DEAF1: variants seen among roughly 807,000 people sequenced by gnomAD.
The protein encoded by DEAF1 is deformed epidermal autoregulatory factor 1 homolog.
A neutral mutation model predicts 58.9 loss-of-function variants in DEAF1; 53 were observed. The ratio of observed to expected loss-of-function variants is 0.90; its 90% confidence interval spans 0.72 to 1.13. The LOEUF (loss-of-function observed/expected upper bound fraction) is 1.13. Among genes scored for constraint, DEAF1 ranks in the 50% most tolerant of loss-of-function variants. The pLI, the probability that DEAF1 is intolerant of heterozygous loss-of-function variation, is 0.00. For synonymous variants in DEAF1, 385 were observed against 340.4 expected, an observed-to-expected ratio of 1.13 and a Z score of -1.44; for missense variants, 685 against 791.4, an observed-to-expected ratio of 0.87 and a Z score of 1.61.
upstream of DEAF1, chr11:698,969 C>T: frequency 2.6e-6 from 4 of 1,556,826 alleles, no homozygotes; most frequent in Middle Eastern, 1.7e-4. Context: ...CCTCACCCCA[C>T]GTTTTCCCTA....
At chr11:683,990 A>G (rs1283304930) in intron 6 of DEAF1, among the ~76,000 whole-genome samples, 9 of 152,186 alleles carry the variant, frequency 5.9e-5, no homozygotes, top group African/African-American at 2.2e-4. Flanking sequence ...GGCTTTTCCC[A>G]ATCAACTTCA....
chr11:662,115 G>T (rs777446131), intron 10 of DEAF1, among the ~76,000 whole-genome samples: 1 of 152,124 alleles, frequency 6.6e-6, no homozygotes, highest in African/African-American at 2.4e-5. Context: ...TGGCCAACAT[G>T]GCAAAATACA....
rs1190290290 is a variant in DEAF1, at chr11:678,766, G to C, written c.1183C>G (p.Pro395Ala). 1 of 1,614,198 alleles carries C rather than the reference G, an allele frequency of 6.2e-7. No individual in the cohort carries two copies. The highest frequency in any genetic ancestry group is 1.7e-5 in the Admixed American group (1 of 60,022). The change falls in exon 9 of 12, where the codon CCC (proline) becomes GCC (alanine). Residue 395 changes from proline to alanine, a missense_variant. Transcript: ENST00000382409. ...CRASHPEPHYPGYQDSCQIAP... is the reference protein window; with the variant it reads ...CRASHPEPHYAGYQDSCQIAP... The stretch of plus-strand genomic sequence containing the variant: ...ATCTGGCAGCTGTCCTGATAGCCGG[G>C]GTAGTGAGGCTCAGGGTGGCTGGCC...
Position 687,982 on chromosome 11 carries a change from A to G in DEAF1, c.593T>C (p.Val198Ala). Residue 198 changes from valine (V) to alanine (A), a missense_variant, in exon 4 of 12, where the codon GTG becomes GCG. Transcript: ENST00000382409. ...CCGTACGGGCAGCTCACTGTCGTAC[A>G]CAGAAGGGTCCCAGTTGTATTTAGT... The part of the protein sequence containing the change: ...GGTKYNWDPS[V>A]YDSELPVRCR... The G allele has an allele frequency of 1.2e-6, 2 of 1,614,152 alleles. No homozygotes were observed. Among genetic ancestry groups the G allele is most frequent in the Non-Finnish European group, 1.7e-6 (2 of 1,180,042 alleles).
At chr11:682,732 A>G (rs1009429798) in intron 6 of DEAF1, among the ~76,000 whole-genome samples, 4 of 152,144 alleles carry the variant, frequency 2.6e-5, no homozygotes, top group African/African-American at 4.8e-5. Context: ...GGGTTGATGG[A>G]AATTGGGGCT....
chr11:681,316 C>T (rs1860356435), intron 6 of DEAF1, among the ~76,000 whole-genome samples: 1 of 152,028 alleles, frequency 6.6e-6, no homozygotes, highest in Non-Finnish European at 1.5e-5. Flanking sequence ...CTTACTGCAA[C>T]CTCCGCCTCC....
intron 1 of DEAF1, chr11:701,051 C>T: frequency 2.8e-6 from 1 of 360,946 alleles, no homozygotes. Flanking sequence ...CTTCCCCTTG[C>T]CCTTAGCTGT....
chr11:654,818 G>A (rs1318558809), intron 10 of DEAF1, among the ~76,000 whole-genome samples: 4 of 151,294 alleles, frequency 2.6e-5, no homozygotes, highest in Non-Finnish European at 4.4e-5. Flanking sequence ...GCAGTGAACC[G>A]AGATTGCACT....
chr11:656,062 G>A (rs1222997723), intron 10 of DEAF1, among the ~76,000 whole-genome samples: 1 of 151,868 alleles, frequency 6.6e-6, no homozygotes, highest in Admixed American at 6.6e-5. Flanking sequence ...TCGAGCTCCT[G>A]ACCTCAAATG....
At chr11:665,871 G>A (rs1304010194) in intron 10 of DEAF1, 1 of 152,314 alleles carries the variant, frequency 6.6e-6, no homozygotes, top group Admixed American at 6.5e-5. Context: ...GGAAAATGAG[G>A]GGAGAAACCC....
rs1225504049 is a variant in DEAF1, at chr11:704,312, C to T, written c.-438+2260G>A. 6.7e-6 allele frequency: 5 copies of T among 744,312 alleles called. No homozygotes were observed. In the East Asian group the frequency reaches 3.2e-4, roughly 48 times the overall value. 46.1% of individuals were successfully genotyped at this position (744,312 alleles called of 1,614,324 possible). A position where few individuals can be genotyped will look rare whatever the true frequency, so the allele number is the denominator to read the frequency against. On this transcript the variant is annotated intron_variant, in intron 1 of 11. Coordinates refer to the DEAF1 transcript ENST00000683307. ...GCTGCGGGACTGTCCTGGGCCTCCA[C>T]TGGGGCTCCCTCGGCTGGGGTGGCT...
At chr11:668,204 C>CA (rs1479294371) in intron 10 of DEAF1, among the ~76,000 whole-genome samples, 2 of 152,042 alleles carry the variant, frequency 1.3e-5, no homozygotes, top group Non-Finnish European at 2.9e-5. Context: ...ACATTACAGA[C>CA]AAAAACAGAG....
intron 11 of DEAF1, among the ~76,000 whole-genome samples, chr11:645,658 G>C (rs988067936): frequency 7.2e-5 from 11 of 152,166 alleles, no homozygotes; most frequent in African/African-American, 2.7e-4. Context: ...AAGCAAACTG[G>C]AACCAGCCCG....
At chr11:677,211 G>A (rs1860122949) in intron 9 of DEAF1, among the ~76,000 whole-genome samples, 1 of 151,396 alleles carries the variant, frequency 6.6e-6, no homozygotes, top group Admixed American at 6.6e-5. Flanking sequence ...GCCTCCTAAA[G>A]TGCTGGGATT....
chr11:671,760 G>GT (rs1859833239), intron 10 of DEAF1, among the ~76,000 whole-genome samples: 1 of 139,382 alleles, frequency 7.2e-6, no homozygotes, highest in East Asian at 2.3e-4. Flanking sequence ...GCATGCACCC[G>GT]TATTTCCAGG....
chr11:692,262 C>G lies in DEAF1; in HGVS notation c.290-664G>C, dbSNP rs1471885993. The stretch of plus-strand genomic sequence containing the variant: ...ACAGGGCAGTTACCACAGAGGTCAG[C>G]TGCACCCCACCTCCTGCCCCTGTCA... On this transcript the variant is annotated intron_variant, in intron 1 of 11. Coordinates refer to ENST00000382409, the MANE Select transcript of DEAF1 (RefSeq NM_021008.4). 3.7e-5 allele frequency: 6 copies of G among 161,370 alleles called. No individual in the cohort carries two copies. In the East Asian group the frequency reaches 8.9e-4, roughly 24 times the overall value. 10.0% of individuals were successfully genotyped at this position (161,370 alleles called of 1,614,324 possible).
At chr11:679,445 G>C (rs986469479) in intron 8 of DEAF1, among the ~76,000 whole-genome samples, 1 of 152,226 alleles carries the variant, frequency 6.6e-6, no homozygotes, top group Non-Finnish European at 1.5e-5. Flanking sequence ...GGCAGACAGA[G>C]AGTATTTTCA....
In DEAF1 at chr11:648,295, T is replaced by C. The variant is rs374648607; in HGVS notation, c.1594-3641A>G. On this transcript the variant is annotated intron_variant, in intron 11 of 11. Transcript: ENST00000382409. ...CTGCAAGCTCCGCCTCCCGGGTTCA[T>C]GCCATTCTCCTGCCTCAGCCTCCCG... Among the ~76,000 whole-genome samples the C allele has an allele frequency of 1.0e-3, 155 of 151,112 alleles. 1 individual carries two copies. The highest frequency in any genetic ancestry group is 9.4e-3 in the South Asian group (45 of 4,764).
chr11:695,514 A>C, upstream of DEAF1: 2 of 977,054 alleles, frequency 2.0e-6, no homozygotes, highest in Non-Finnish European at 2.7e-6. Flanking sequence ...TCTCAGAGAG[A>C]GCTTAGTGCC....
Sources: allele counts gnomAD v4.1 joint callset (sites outside exome capture counted in the v4.1 genomes callset), GRCh38; gene constraint gnomAD v4.1.1; transcripts MANE v1.5; gene names NCBI Gene and HGNC (gene_info 2026-07-23, HGNC 2026-07-21).